NELL1: variants seen among roughly 807,000 people sequenced by gnomAD.
The protein encoded by NELL1 is protein kinase C-binding protein NELL1.
NELL1 carries 76 observed loss-of-function variants against 107.4 expected under a neutral mutation model. That is an observed-to-expected ratio of 0.71 (90% confidence interval 0.59 to 0.86). The LOEUF (loss-of-function observed/expected upper bound fraction) is 0.86, where lower values mean the gene tolerates loss of function less well. Ranked by LOEUF, NELL1 falls within the 40% of genes least tolerant of loss-of-function variation. The pLI is 0.00. For synonymous variants in NELL1, 353 were observed against 341.2 expected (o/e 1.03, Z -0.38); for missense variants, 1,024 against 1,005.5 (o/e 1.02, Z -0.25).
At chr11:21,074,993 A>G (rs1854101182) in intron 12 of NELL1, among the ~76,000 whole-genome samples, 2 of 152,190 alleles carry the variant, frequency 1.3e-5, no homozygotes, top group South Asian at 4.1e-4. Context: ...CTAATTCAAT[A>G]GTCTAGGATT....
At chr11:21,409,519 C>T (rs760741123) in intron 15 of NELL1, among the ~76,000 whole-genome samples, 71 of 151,772 alleles carry the variant, frequency 4.7e-4, no homozygotes, top group Non-Finnish European at 8.4e-4. Context: ...CAGTATGGCA[C>T]ATGTATACAT....
At chr11:20,674,693 G>A in intron 1 of NELL1, 1 of 661,602 alleles carries the variant, frequency 1.5e-6, no homozygotes, top group Non-Finnish European at 2.7e-6. Flanking sequence ...TCTCAGTTTA[G>A]TGTTGTTTCC....
chr11:21,459,832 G>T (rs1853852934), intron 15 of NELL1, among the ~76,000 whole-genome samples: 1 of 151,988 alleles, frequency 6.6e-6, no homozygotes, highest in South Asian at 2.1e-4. Context: ...GGATGAAAGG[G>T]CTTTGTATGC....
intron 2 of NELL1, among the ~76,000 whole-genome samples, chr11:20,758,390 C>A (rs1217412397): frequency 6.6e-6 from 1 of 152,098 alleles, no homozygotes; most frequent in Non-Finnish European, 1.5e-5. Flanking sequence ...GAATCTGGCT[C>A]CAAACCACTT....
chr11:21,573,052 C>G (rs75226974), intron 18 of NELL1, 133 bp from the exon 19 acceptor site: 3 of 694,992 alleles, frequency 4.3e-6, no homozygotes, highest in Admixed American at 2.6e-5. Flanking sequence ...AGGAAGTGTA[C>G]TTTATCCTCA....
At chr11:21,006,547 A>C (rs1852330892) in intron 12 of NELL1, among the ~76,000 whole-genome samples, 1 of 152,124 alleles carries the variant, frequency 6.6e-6, no homozygotes, top group African/African-American at 2.4e-5. Context: ...TTTTTATCAA[A>C]TGCTTTGCCT....
At position 21,229,465 on chromosome 11, in the gene NELL1, C is replaced by T. The variant is rs754985424; in HGVS notation, c.1549+11C>T. 3.3e-5 allele frequency: 54 copies of T among 1,613,112 alleles called. No individual in the cohort carries two copies. The highest frequency in any genetic ancestry group is 4.5e-5 in the East Asian group (2 of 44,778). ...GGACCATCTGCAGAGGTAGGCTTGC[C>T]GCCTTAGTGTTGAGTTGTGAGCAGC... On this transcript the variant is annotated intron_variant, in intron 14 of 19. Coordinates refer to ENST00000357134, the MANE Select transcript of NELL1 (RefSeq NM_006157.5).
intron 13 of NELL1, among the ~76,000 whole-genome samples, chr11:21,226,282 T>A (rs995476984): frequency 3.3e-5 from 5 of 152,098 alleles, no homozygotes. Flanking sequence ...CAGTAGGAAT[T>A]GGGGGCAAAA....
At chr11:21,232,043 G>A (rs1297187107) in intron 14 of NELL1, among the ~76,000 whole-genome samples, 1 of 150,756 alleles carries the variant, frequency 6.6e-6, no homozygotes, top group Non-Finnish European at 1.5e-5. Context: ...GATCACACCT[G>A]ATCCCAGCAC....
At chr11:21,264,770 C>T (rs527944610) in intron 14 of NELL1, among the ~76,000 whole-genome samples, 26 of 151,412 alleles carry the variant, frequency 1.7e-4, no homozygotes, top group Admixed American at 7.2e-4. Context: ...TGTGTGCGTG[C>T]GTGTGTTGAA....
At position 21,091,486 on chromosome 11, in the gene NELL1, G is replaced by A. The variant is rs114737555; in HGVS notation, c.1301-22103G>A. On this transcript the variant is annotated intron_variant, in intron 12 of 19. Coordinates refer to ENST00000357134, the MANE Select transcript of NELL1 (RefSeq NM_006157.5). ...GAGCAGATATTTTTAAATTTTTAAT[G>A]CATTTTCAACTAACAGACTAGGCAA... 4.6e-3 allele frequency among the ~76,000 whole-genome samples: 695 copies of A among 152,254 alleles called. 4 individuals are homozygous for A. Among genetic ancestry groups the A allele is most frequent in the African/African-American group, 0.016 (662 of 41,548 alleles).
intron 14 of NELL1, among the ~76,000 whole-genome samples, chr11:21,295,184 A>G (rs1849348328): frequency 6.6e-6 from 1 of 152,122 alleles, no homozygotes; most frequent in African/African-American, 2.4e-5. Context: ...AGCACAGACC[A>G]GCTCACTGAC....
intron 15 of NELL1, among the ~76,000 whole-genome samples, chr11:21,403,497 T>G (rs1852147490): frequency 6.6e-6 from 1 of 150,536 alleles, no homozygotes; most frequent in African/African-American, 2.4e-5. Context: ...GTCTTTCATA[T>G]CTGGATGAGT....
chr11:21,054,225 T>G (rs1853563436), intron 12 of NELL1, among the ~76,000 whole-genome samples: 1 of 152,118 alleles, frequency 6.6e-6, no homozygotes, highest in African/African-American at 2.4e-5. Flanking sequence ...TATTTTTCTT[T>G]TTACAAAGTT....
intron 13 of NELL1, among the ~76,000 whole-genome samples, chr11:21,193,920 C>T (rs1295051563): frequency 6.6e-6 from 1 of 151,698 alleles, no homozygotes; most frequent in African/African-American, 2.4e-5. Flanking sequence ...TCAGAGGATT[C>T]GATGCTAGTT....
chr11:21,572,276 A>T (rs756352936), intron 18 of NELL1, among the ~76,000 whole-genome samples: 1 of 151,836 alleles, frequency 6.6e-6, no homozygotes, highest in Non-Finnish European at 1.5e-5. Context: ...AGCCCCTAAG[A>T]TGAATATTTC....
intron 14 of NELL1, among the ~76,000 whole-genome samples, chr11:21,288,066 GAAA>G (rs370009906): frequency 6.6e-6 from 1 of 151,088 alleles, no homozygotes; most frequent in Non-Finnish European, 1.5e-5. Flanking sequence ...AGGAAAGAAG[GAAA>G]TAAGGAAGGG....
At chr11:21,377,910 G>A (rs970456053) in intron 15 of NELL1, among the ~76,000 whole-genome samples, 11 of 151,922 alleles carry the variant, frequency 7.2e-5, no homozygotes, top group African/African-American at 2.4e-4. Context: ...TCTTAACCTA[G>A]AAGACACTAT....
At chr11:20,998,570 ATC>A (rs1319993305) in intron 12 of NELL1, among the ~76,000 whole-genome samples, 1 of 152,136 alleles carries the variant, frequency 6.6e-6, no homozygotes. Flanking sequence ...CAAATTTATC[ATC>A]TCTCCTAGGT....
Sources: gnomAD v4.1 joint callset for allele counts (sites outside exome capture counted in the v4.1 genomes callset) on GRCh38, gnomAD v4.1.1 for gene constraint, MANE v1.5 for transcripts, NCBI Gene and HGNC (gene_info 2026-07-23, HGNC 2026-07-21) for gene names.